The following ARRB1 variants were observed in gnomAD, a reference collection of about 807,000 sequenced individuals.
ARRB1 encodes the protein beta-arrestin-1.
In ARRB1, 21 loss-of-function variants were observed where a neutral mutation model predicts 56.8. The observed-to-expected ratio is 0.37, with a 90% confidence interval of 0.26 to 0.53. ARRB1 has a LOEUF of 0.53. Among genes scored for constraint, ARRB1 ranks in the 20% least tolerant of loss-of-function variants. The pLI is 0.88. For missense variants in ARRB1, 424 were observed against 553.7 expected, an observed-to-expected ratio of 0.77 and a Z score of 2.35; for synonymous variants, 210 against 218.6, an observed-to-expected ratio of 0.96 and a Z score of 0.35.
chr11:75,350,180 G>A (rs1323798362), intron 1 of ARRB1, among the ~76,000 whole-genome samples: 2 of 152,220 alleles, frequency 1.3e-5, no homozygotes, highest in Non-Finnish European at 2.9e-5. Flanking sequence ...TGGAGAGAGA[G>A]TCTTAGATGG....
At chr11:75,288,616 CTTTT>C (rs10580123) in intron 2 of ARRB1, among the ~76,000 whole-genome samples, 11 of 133,548 alleles carry the variant, frequency 8.2e-5, no homozygotes, top group Admixed American at 2.2e-4. Context: ...GCAAATCTTT[CTTTT>C]TTTTTTTTTT....
chr11:75,289,651 G>C (rs1031570405), intron 2 of ARRB1, among the ~76,000 whole-genome samples: 6 of 152,160 alleles, frequency 3.9e-5, no homozygotes, highest in Admixed American at 2.0e-4. Flanking sequence ...AGGAGGTGAC[G>C]CTAGGGTCCT....
intron 14 of ARRB1, 107 bp from the exon 15 acceptor site, chr11:75,267,810 G>C: frequency 1.1e-6 from 1 of 927,358 alleles, no homozygotes; most frequent in South Asian, 1.4e-5. Context: ...AACATGAGAA[G>C]GGCAAAGGAT....
chr11:75,293,902 G>A (rs982007788), intron 1 of ARRB1, among the ~76,000 whole-genome samples: 6 of 152,162 alleles, frequency 3.9e-5, no homozygotes, highest in African/African-American at 1.4e-4. Context: ...ACTGCTTTCT[G>A]GGCGGCTGCC....
chr11:75,295,146 T>G (rs1946703145), intron 1 of ARRB1, among the ~76,000 whole-genome samples: 1 of 142,624 alleles, frequency 7.0e-6, no homozygotes, highest in African/African-American at 2.7e-5. Flanking sequence ...CACTTGAACC[T>G]AGGAGGTGGA....
chr11:75,342,187 G>A (rs1003460387), intron 1 of ARRB1, among the ~76,000 whole-genome samples: 1 of 152,104 alleles, frequency 6.6e-6, no homozygotes, highest in Non-Finnish European at 1.5e-5. Context: ...TCCTCAGATG[G>A]CACCTTTGGG....
At chr11:75,318,450 G>T (rs1349265819) in intron 1 of ARRB1, among the ~76,000 whole-genome samples, 1 of 152,226 alleles carries the variant, frequency 6.6e-6, no homozygotes, top group Non-Finnish European at 1.5e-5. Context: ...AGAACTTTGG[G>T]AGGCCGAGGT....
intron 1 of ARRB1, among the ~76,000 whole-genome samples, chr11:75,298,981 A>G (rs1049065553): frequency 6.6e-5 from 10 of 151,682 alleles, no homozygotes; most frequent in African/African-American, 2.4e-4. Context: ...AGAAGGCTGC[A>G]TATTATATGA....
intron 1 of ARRB1, among the ~76,000 whole-genome samples, chr11:75,328,975 AAG>A (rs754818930): frequency 7.9e-5 from 12 of 152,238 alleles, no homozygotes; most frequent in Non-Finnish European, 1.5e-4. Context: ...CAGAGCCCTG[AAG>A]AGAGTGGGGC....
rs1369456397 is a variant in ARRB1, at chr11:75,278,649, G to A, written c.578C>T (p.Ser193Leu). 3.7e-6 allele frequency: 6 copies of A among 1,614,042 alleles called. No homozygotes were observed. The highest frequency in any genetic ancestry group is 1.7e-5 in the Admixed American group (1 of 60,000). ...GGCTTCTAGGTGCAAGGGCTTGTCCGACATGAGGAACTGCCTGGTGGTCTC... is the reference window on the plus strand; with the variant it reads ...GGCTTCTAGGTGCAAGGGCTTGTCCAACATGAGGAACTGCCTGGTGGTCTC... ...TAETTRQFLM[S>L]DKPLHLEASL... The change falls in exon 8 of 16, where the codon TCG becomes TTG. Residue 193 changes from serine (S) to leucine (L), a missense_variant. This residue lies in a region of ARRB1 where 301 missense variants were observed against 387.9 expected (regional missense o/e 0.78). Transcript: ENST00000420843.
rs575447905 is a variant in ARRB1, at chr11:75,281,859, G to A, written c.414+103C>T. On this transcript the variant is annotated intron_variant, in intron 6 of 15. Coordinates refer to ENST00000420843, the MANE Select transcript of ARRB1 (RefSeq NM_004041.5). ...CCTAGACACAAAGACTGTTCAACAG[G>A]GAGAGTGGTCCTGTGTGTCCAGCAC... The A allele has an allele frequency of 2.3e-5, 27 of 1,198,384 alleles. No individual in the cohort carries two copies. The African/African-American group carries it at 4.1e-4, about 18-fold the overall frequency. The allele number at this position is 1,198,384 out of a possible 1,614,324, so 74.2% of individuals were successfully genotyped here.
At chr11:75,311,945 G>T in intron 1 of ARRB1, 1 of 979,286 alleles carries the variant, frequency 1.0e-6, no homozygotes, top group Non-Finnish European at 1.4e-6. Flanking sequence ...GGGGACGGCC[G>T]GCAGAGGAAC....
chr11:75,314,619 T>A (rs1034368961), intron 1 of ARRB1, among the ~76,000 whole-genome samples: 1 of 151,428 alleles, frequency 6.6e-6, no homozygotes, highest in African/African-American at 2.4e-5. Flanking sequence ...CGTTTTTTTT[T>A]CTTTGAAAAA....
At chr11:75,291,020 T>C (rs1946600842) in intron 1 of ARRB1, among the ~76,000 whole-genome samples, 1 of 152,170 alleles carries the variant, frequency 6.6e-6, no homozygotes, top group African/African-American at 2.4e-5. Flanking sequence ...CAGATGCATC[T>C]ATCCCAAGCA....
chr11:75,282,145 T>C (rs1162267085), intron 5 of ARRB1, 124 bp from the exon 6 acceptor site: 1 of 932,918 alleles, frequency 1.1e-6, no homozygotes, highest in African/African-American at 1.6e-5. Flanking sequence ...GCCATGTCTA[T>C]CCCATCAGAC....
intron 11 of ARRB1, among the ~76,000 whole-genome samples, chr11:75,273,490 G>A (rs1047093892): frequency 2.6e-5 from 4 of 152,186 alleles, no homozygotes; most frequent in African/African-American, 9.7e-5. Context: ...GCTGTGCAGG[G>A]GCTGCTGAAG....
chr11:75,276,283 C>T (rs1420054436), intron 10 of ARRB1, among the ~76,000 whole-genome samples: 4 of 152,144 alleles, frequency 2.6e-5, no homozygotes, highest in Non-Finnish European at 4.4e-5. Flanking sequence ...TGTTTCACTT[C>T]AGATCTCTCC....
At chr11:75,316,326 A>G (rs974604110) in intron 1 of ARRB1, among the ~76,000 whole-genome samples, 1 of 138,192 alleles carries the variant, frequency 7.2e-6, no homozygotes, top group African/African-American at 3.1e-5. Context: ...GACTCTGTCA[A>G]AAAAAAAAAA....
intron 1 of ARRB1, among the ~76,000 whole-genome samples, chr11:75,324,713 C>T (rs766956747): frequency 2.6e-5 from 4 of 152,198 alleles, no homozygotes; most frequent in African/African-American, 7.2e-5. Context: ...CCTGCCTCCT[C>T]GGGCCCCTTC....
Sources: gnomAD v4.1 joint callset for allele counts (sites outside exome capture counted in the v4.1 genomes callset) on GRCh38, gnomAD v4.1.1 for gene constraint, gnomAD v4.1.1 regional missense constraint, MANE v1.5 for transcripts, NCBI Gene and HGNC (gene_info 2026-07-23, HGNC 2026-07-21) for gene names.